The following RUNX2 variants were observed in gnomAD, a reference collection of about 807,000 sequenced individuals.
RUNX2 encodes the protein RUNX family transcription factor 2.
Under a neutral mutation model 51.7 loss-of-function variants are expected in RUNX2, and 10 were observed. The ratio of observed to expected loss-of-function variants is 0.19; its 90% CI spans 0.12 to 0.33. The LOEUF (loss-of-function observed/expected upper bound fraction) is 0.33. RUNX2 is among the 10% of genes least tolerant of loss of function. The pLI is 1.00. For missense variants in RUNX2, 562 were observed against 691.3 expected (o/e 0.81, Z 2.10); for synonymous variants, 276 against 273.6 (o/e 1.01, Z -0.09).
chr6:45,351,759 A>G (rs1029954832), intron 2 of RUNX2, among the ~76,000 whole-genome samples: 1 of 152,062 alleles, frequency 6.6e-6, no homozygotes, highest in Non-Finnish European at 1.5e-5. Flanking sequence ...CCAACATCTC[A>G]AATTTCAATA....
intron 5 of RUNX2, among the ~76,000 whole-genome samples, chr6:45,473,408 A>G (rs1384849288): frequency 6.6e-6 from 1 of 152,164 alleles, no homozygotes; most frequent in African/African-American, 2.4e-5. Context: ...AACTGATAAT[A>G]AGTTGTTACT....
intron 7 of RUNX2, among the ~76,000 whole-genome samples, chr6:45,543,436 C>G (rs1033656562): frequency 2.6e-5 from 4 of 152,178 alleles, no homozygotes; most frequent in African/African-American, 9.7e-5. Flanking sequence ...CCCAAACCAC[C>G]TTTGGCTTTA....
chr6:45,480,752 A>T (rs1440956043), intron 5 of RUNX2, among the ~76,000 whole-genome samples: 1 of 152,142 alleles, frequency 6.6e-6, no homozygotes, highest in African/African-American at 2.4e-5. Flanking sequence ...TCATTCCTTT[A>T]AAAAAAGTAA....
At chr6:45,376,586 C>T (rs1479682950) in intron 2 of RUNX2, among the ~76,000 whole-genome samples, 2 of 152,212 alleles carry the variant, frequency 1.3e-5, no homozygotes, top group South Asian at 2.1e-4. Context: ...GTGAAAAGTG[C>T]AGCCCTAGAC....
At chr6:45,362,728 G>A (rs1794471641) in intron 2 of RUNX2, among the ~76,000 whole-genome samples, 1 of 152,166 alleles carries the variant, frequency 6.6e-6, no homozygotes, top group African/African-American at 2.4e-5. Context: ...TTCTTCCAGA[G>A]CTGTAGCCAA....
At chr6:45,473,056 G>A (rs1024078997) in intron 5 of RUNX2, among the ~76,000 whole-genome samples, 1 of 152,144 alleles carries the variant, frequency 6.6e-6, no homozygotes, top group African/African-American at 2.4e-5. Flanking sequence ...ATATTCTTAG[G>A]CTTAAAGGGT....
At chr6:45,418,737 G>A (rs905754156) in intron 2 of RUNX2, among the ~76,000 whole-genome samples, 1 of 152,214 alleles carries the variant, frequency 6.6e-6, no homozygotes, top group African/African-American at 2.4e-5. Context: ...TTCAGCAAAA[G>A]GATGTTTTTG....
At chr6:45,450,997 ATTC>A (rs1799155298) in intron 5 of RUNX2, among the ~76,000 whole-genome samples, 1 of 152,216 alleles carries the variant, frequency 6.6e-6, no homozygotes, top group East Asian at 1.9e-4. Context: ...GGTGCCTGAG[ATTC>A]TTCTTCGAGT....
Position 45,454,932 on chromosome 6 carries a change from A to C in RUNX2, c.685+16881A>C, listed in dbSNP as rs1049865924. Among the ~76,000 whole-genome samples, 11 of 152,176 alleles carry C rather than the reference A, an allele frequency of 7.2e-5. 1 individual carries two copies. The South Asian group carries it at 2.3e-3, about 32-fold the overall frequency. ...AGTTCGAGACCAGCCTTGCCAACATAGTGAAACCCCGTCTCTACTAAAAAT... is the reference window on the plus strand; with the variant it reads ...AGTTCGAGACCAGCCTTGCCAACATCGTGAAACCCCGTCTCTACTAAAAAT... On this transcript the variant is annotated intron_variant, in intron 5 of 8. Transcript: ENST00000647337.
At chr6:45,404,333 G>C (rs1797788983) in intron 2 of RUNX2, among the ~76,000 whole-genome samples, 1 of 146,902 alleles carries the variant, frequency 6.8e-6, no homozygotes, top group Admixed American at 6.7e-5. Flanking sequence ...AAGTATTCTA[G>C]GCATAAGAAT....
At chr6:45,331,159 ATGTC>A (rs1372456800) in intron 2 of RUNX2, among the ~76,000 whole-genome samples, 6 of 151,626 alleles carry the variant, frequency 4.0e-5, no homozygotes, top group African/African-American at 9.7e-5. Flanking sequence ...GAGAAAGAGT[ATGTC>A]TGTGTCCTTG....
chr6:45,427,518 T>C (rs1053535605), intron 3 of RUNX2, among the ~76,000 whole-genome samples: 6 of 152,180 alleles, frequency 3.9e-5, no homozygotes, highest in Non-Finnish European at 8.8e-5. Flanking sequence ...GTTTTGATAC[T>C]GTATTTGAAG....
intron 7 of RUNX2, among the ~76,000 whole-genome samples, chr6:45,539,932 A>C (rs1802165220): frequency 6.6e-6 from 1 of 152,240 alleles, no homozygotes; most frequent in Non-Finnish European, 1.5e-5. Flanking sequence ...TAAATGTCCA[A>C]GGTTAGTTTG....
chr6:45,421,003 A>G (rs1448826198), intron 2 of RUNX2: 1 of 152,102 alleles, frequency 6.6e-6, no homozygotes, highest in Non-Finnish European at 1.5e-5. Flanking sequence ...CTCGACCACA[A>G]CTTTTTGGGG....
chr6:45,431,368 C>T (rs1256325069), intron 3 of RUNX2, among the ~76,000 whole-genome samples: 2 of 152,178 alleles, frequency 1.3e-5, no homozygotes, highest in African/African-American at 4.8e-5. Context: ...GATATCTAGG[C>T]TCTATGTAGT....
At chr6:45,424,746 A>G (rs542449707) in intron 3 of RUNX2, among the ~76,000 whole-genome samples, 1 of 152,254 alleles carries the variant, frequency 6.6e-6, no homozygotes, top group African/African-American at 2.4e-5. Context: ...ATATCAGAAC[A>G]GAAATCAGAA....
chr6:45,444,266 G>A (rs1167320760), intron 5 of RUNX2, among the ~76,000 whole-genome samples: 1 of 152,304 alleles, frequency 6.6e-6, no homozygotes. Context: ...TTGTGTGTCG[G>A]GTCTCAGGTA....
At chr6:45,528,920 T>C (rs186967564) in intron 7 of RUNX2, among the ~76,000 whole-genome samples, 3 of 152,320 alleles carry the variant, frequency 2.0e-5, no homozygotes, top group Admixed American at 6.5e-5. Context: ...GGAACTTGAA[T>C]TGATAAGGGA....
In RUNX2 at chr6:45,422,973, G is replaced by C. The variant is rs1563079563; in HGVS notation, c.423+16G>C. 3.1e-6 allele frequency: 5 copies of C among 1,604,424 alleles called. No homozygotes were observed. The highest frequency in any genetic ancestry group is 4.2e-6 in the Non-Finnish European group (5 of 1,177,886). Reference sequence around the variant, plus strand: ...GGCCTTCAAGGTAAGAGGCTACACCGCCCCCCGCCCCCGGCCGGGAGCGGC... The same window carrying C: ...GGCCTTCAAGGTAAGAGGCTACACCCCCCCCCGCCCCCGGCCGGGAGCGGC... On this transcript the variant is annotated intron_variant, in intron 3 of 8. Coordinates refer to ENST00000647337, the MANE Select transcript of RUNX2 (RefSeq NM_001024630.4).
Sources: gnomAD v4.1 joint callset for allele counts (sites outside exome capture counted in the v4.1 genomes callset) on GRCh38, gnomAD v4.1.1 for gene constraint, MANE v1.5 for transcripts, NCBI Gene and HGNC (gene_info 2026-07-23, HGNC 2026-07-21) for gene names.